PSG8: variants seen among roughly 807,000 people sequenced by gnomAD.
The protein encoded by PSG8 is pregnancy-specific beta-1-glycoprotein 8.
Under a neutral mutation model 42.5 loss-of-function variants are expected in PSG8, and 57 were observed. The ratio of observed to expected loss-of-function variants is 1.34; its 90% confidence interval spans 1.08 to 1.67. The LOEUF (loss-of-function observed/expected upper bound fraction) is 1.67. Among genes scored for constraint, PSG8 ranks in the 40% most tolerant of loss-of-function variants. The probability of loss-of-function intolerance (pLI) is 0.00; values close to 1 mark genes in which losing one functional copy is unlikely to be tolerated. For missense variants in PSG8, 783 were observed against 518.6 expected (o/e 1.51, Z -4.95); for synonymous variants, 280 against 196.8 (o/e 1.42, Z -3.54).
Position 42,757,988 on chromosome 19 carries a change from C to T in PSG8, c.709+14G>A, listed in dbSNP as rs200626502. ...GATGGCAGCCTGGCTCACAGAGGAA[C>T]AGAAAATACTCACGGAGGAGATTCA... On this transcript the variant is annotated intron_variant, in intron 3 of 4. Transcript: ENST00000306511. The T allele has an allele frequency of 3.0e-4, 491 of 1,613,988 alleles. 3 individuals are homozygous for T. The African/African-American group carries it at 5.7e-3, about 19-fold the overall frequency.
At chr19:42,762,989 T>C (rs976072726) in intron 2 of PSG8, among the ~76,000 whole-genome samples, 1 of 152,142 alleles carries the variant, frequency 6.6e-6, no homozygotes, top group Non-Finnish European at 1.5e-5. Context: ...GGACTGTGTC[T>C]TCCTGTACCT....
rs780835798 is a variant in PSG8, at chr19:42,755,111, G to T, written c.865C>A (p.Pro289Thr). 5 of 1,611,964 alleles carry T rather than the reference G, an allele frequency of 3.1e-6. No individual in the cohort carries two copies. Among genetic ancestry groups the T allele is most frequent in the East Asian group, 2.2e-5 (1 of 44,872 alleles). Residue 289 changes from proline (P) to threonine (T), a missense_variant, in exon 4 of 5, where the codon CCC (proline) becomes ACC (threonine). Pro to Thr is a conservative substitution (Grantham distance 38, BLOSUM62 -1). Transcript: ENST00000306511. Reference sequence around the variant, plus strand: ...AGAATGAGGATCCTGTTTTCAATGGGTCGCTTTACCCTGGGACTGACCGGG... The same window carrying T: ...AGAATGAGGATCCTGTTTTCAATGGTTCGCTTTACCCTGGGACTGACCGGG... ...SLPVSPRVKR[P>T]IENRILILPS... is the part of the protein sequence containing the mutation.
rs1321769610 is a variant in PSG8 at position 42,758,129 on chromosome 19, C to G, written c.582G>C (p.Gln194His). ...GQSLPMSHRLQLSETNRTLFL... is the reference protein window; with the variant it reads ...GQSLPMSHRLHLSETNRTLFL... ...AGAGGGTCCTGTTGGTTTCAGACAA[C>G]TGCAACCTGTGAGACATAGGGAGGC... Residue 194 changes from glutamine to histidine, a missense_variant, in exon 3 of 5, where the codon CAG becomes CAC. Coordinates refer to ENST00000306511, the MANE Select transcript of PSG8 (RefSeq NM_182707.3). 4 of 1,613,874 alleles carry G rather than the reference C, an allele frequency of 2.5e-6. No homozygotes were observed. The East Asian group carries it at 8.9e-5, about 36-fold the overall frequency.
At position 42,754,703 on chromosome 19, in the gene PSG8, C is replaced by A. The variant is rs886360107; in HGVS notation, c.989-116G>T. 8.6e-5 allele frequency: 116 copies of A among 1,351,804 alleles called. 2 individuals carry two copies. The Middle Eastern group carries it at 1.3e-3, about 16-fold the overall frequency. The allele number at this position is 1,351,804 out of a possible 1,614,324, so 83.7% of individuals were successfully genotyped here. A position where few individuals can be genotyped will look rare whatever the true frequency, so the allele number is the denominator to read the frequency against. On this transcript the variant is annotated intron_variant, in intron 4 of 4. Transcript: ENST00000306511. ...CAAGACACACCCTCAAGTCCCAGCCCAACCCCCTCTATGTTCACTGAGCCG... is the reference window on the plus strand; with the variant it reads ...CAAGACACACCCTCAAGTCCCAGCCAAACCCCCTCTATGTTCACTGAGCCG...
intron 1 of PSG8, 94 bp from the exon 2 acceptor site, chr19:42,764,375 C>T (rs962368002): frequency 2.6e-6 from 4 of 1,520,808 alleles, no homozygotes; most frequent in Non-Finnish European, 3.5e-6. Flanking sequence ...CTTCAGTCCT[C>T]AGCCTTGAAG....
Position 42,758,118 on chromosome 19 carries a change from G to T in PSG8, c.593C>A (p.Thr198Asn), listed in dbSNP as rs752258674. The T allele has an allele frequency of 2.5e-6, 4 of 1,614,006 alleles. No individual in the cohort carries two copies. The highest frequency in any genetic ancestry group is 3.3e-5 in the Admixed American group (2 of 60,008). The change falls in exon 3 of 5, where the codon ACC (threonine) becomes AAC (asparagine). Residue 198 changes from threonine to asparagine, a missense_variant. Physicochemically the swap from Thr to Asn is moderately conservative, Grantham distance 65. Coordinates refer to ENST00000306511, the MANE Select transcript of PSG8 (RefSeq NM_182707.3). ...ACCCAATAGAAAGAGGGTCCTGTTG[G>T]TTTCAGACAACTGCAACCTGTGAGA... Reference protein sequence around the residue: ...PMSHRLQLSETNRTLFLLGVT... With the variant: ...PMSHRLQLSENNRTLFLLGVT...
chr19:42,762,717 C>G (rs1220743049), intron 2 of PSG8, among the ~76,000 whole-genome samples: 1 of 151,882 alleles, frequency 6.6e-6, no homozygotes, highest in Non-Finnish European at 1.5e-5. Flanking sequence ...GAGGGGGAGG[C>G]CTGGACATGT....
At chr19:42,763,471 C>T (rs971027756) in intron 2 of PSG8, among the ~76,000 whole-genome samples, 4 of 152,172 alleles carry the variant, frequency 2.6e-5, no homozygotes, top group African/African-American at 9.7e-5. Flanking sequence ...ACAACCCAGC[C>T]CCAGCACAGG....
chr19:42,764,664 C>G (rs1036683101), intron 1 of PSG8, among the ~76,000 whole-genome samples: 1 of 152,074 alleles, frequency 6.6e-6, no homozygotes, highest in Admixed American at 6.5e-5. Flanking sequence ...CTGGGTCTTC[C>G]CTTTCTGACC....
intron 2 of PSG8, among the ~76,000 whole-genome samples, chr19:42,759,624 T>A (rs1243672602): frequency 6.6e-6 from 1 of 152,176 alleles, no homozygotes; most frequent in African/African-American, 2.4e-5. Flanking sequence ...GCATTTCAGA[T>A]TGTGGATTTC....
chr19:42,760,372 G>T (rs1401819453), intron 2 of PSG8, among the ~76,000 whole-genome samples: 3 of 152,088 alleles, frequency 2.0e-5, no homozygotes, highest in Middle Eastern at 3.2e-3. Flanking sequence ...CTTTGTAGTT[G>T]TCCCACAGCT....
chr19:42,765,090 C>T (rs1366448181), intron 1 of PSG8, among the ~76,000 whole-genome samples: 1 of 151,984 alleles, frequency 6.6e-6, no homozygotes, highest in Non-Finnish European at 1.5e-5. Context: ...TGACCCCTGT[C>T]CCTCTCTGGT....
In PSG8 at chr19:42,760,201, T is replaced by C. The variant is rs540460355; in HGVS notation, c.431-1921A>G. 5.9e-5 allele frequency among the ~76,000 whole-genome samples: 9 copies of C among 152,264 alleles called. No individual in the cohort carries two copies. In the East Asian group the frequency reaches 1.5e-3, roughly 26 times the overall value. On this transcript the variant is annotated intron_variant, in intron 2 of 4. Coordinates refer to ENST00000306511, the MANE Select transcript of PSG8 (RefSeq NM_182707.3). ...GTCTAAGTGAGATGGCAATGGCTCA[T>C]GTGTCTCCCCACACGCAGAACTCCA...
At chr19:42,761,510 C>T (rs1568379018) in intron 2 of PSG8, among the ~76,000 whole-genome samples, 2 of 152,138 alleles carry the variant, frequency 1.3e-5, no homozygotes, top group African/African-American at 4.8e-5. Context: ...AGATGTTTCT[C>T]ATTCTTTTGC....
downstream of PSG8, chr19:42,753,965 G>T: frequency 4.9e-6 from 3 of 610,586 alleles, no homozygotes; most frequent in South Asian, 1.6e-5. Context: ...ATAGTTTATT[G>T]AACTGCTATA....
At chr19:42,760,043 C>G (rs1177854702) in intron 2 of PSG8, among the ~76,000 whole-genome samples, 3 of 152,094 alleles carry the variant, frequency 2.0e-5, no homozygotes, top group Non-Finnish European at 4.4e-5. Flanking sequence ...AGAAAGAACT[C>G]CCTGCTTCTA....
chr19:42,754,053 T>C (rs1009065050), downstream of PSG8: 20 of 1,065,770 alleles, frequency 1.9e-5, no homozygotes, highest in African/African-American at 9.8e-5. Context: ...AATTTTCAAA[T>C]GAAAATCATA....
chr19:42,753,624 T>C (rs562181177), downstream of PSG8, among the ~76,000 whole-genome samples: 3 of 152,216 alleles, frequency 2.0e-5, no homozygotes, highest in South Asian at 2.1e-4. Flanking sequence ...AATTTTCTTT[T>C]CTCTAAGTTT....
At chr19:42,753,766 C>G (rs879653856), downstream of PSG8, among the ~76,000 whole-genome samples, 2 of 152,184 alleles carry the variant, frequency 1.3e-5, no homozygotes, top group Admixed American at 6.5e-5. Context: ...ACATCCCAGT[C>G]AAAGCCTTGG....
Sources: gnomAD v4.1 joint callset for allele counts (sites outside exome capture counted in the v4.1 genomes callset) on GRCh38, gnomAD v4.1.1 for gene constraint, MANE v1.5 for transcripts, NCBI Gene and HGNC (gene_info 2026-07-23, HGNC 2026-07-21) for gene names.